NKAIN2: variants seen among roughly 807,000 people sequenced by gnomAD.
NKAIN2 encodes sodium/potassium transporting ATPase interacting 2.
In NKAIN2, 14 loss-of-function variants were observed where a neutral mutation model predicts 32.6. The ratio of observed to expected loss-of-function variants is 0.43; its 90% CI spans 0.28 to 0.67. The LOEUF is 0.67. Ranked by LOEUF, NKAIN2 falls within the 30% of genes least tolerant of loss-of-function variation. The pLI is 0.17. For synonymous variants in NKAIN2, 80 were observed against 87.2 expected, an observed-to-expected ratio of 0.92 and a Z score of 0.46; for missense variants, 198 against 258.3, an observed-to-expected ratio of 0.77 and a Z score of 1.60.
Position 124,250,072 on chromosome 6 carries a change from C to T in NKAIN2, c.55-32933C>T, listed in dbSNP as rs73563741. Reference sequence around the variant, plus strand: ...GATTAGGTCATGAGGACAGAGCCCTCCTGAATGGAATTAGTGCCCTTTTAA... The same window carrying T: ...GATTAGGTCATGAGGACAGAGCCCTTCTGAATGGAATTAGTGCCCTTTTAA... On this transcript the variant is annotated intron_variant, in intron 1 of 6. Coordinates refer to ENST00000368417, the MANE Select transcript of NKAIN2 (RefSeq NM_001040214.3). 4.1e-3 allele frequency among the ~76,000 whole-genome samples: 628 copies of T among 152,156 alleles called. 6 individuals carry two copies. Among genetic ancestry groups the T allele is most frequent in the African/African-American group, 0.014 (583 of 41,532 alleles).
At chr6:124,776,423 C>A (rs1778986973) in intron 4 of NKAIN2, among the ~76,000 whole-genome samples, 1 of 152,086 alleles carries the variant, frequency 6.6e-6, no homozygotes, top group Non-Finnish European at 1.5e-5. Context: ...ATTTGCACTC[C>A]AGTCACTCAA....
chr6:124,211,369 G>T (rs770011302), intron 1 of NKAIN2, among the ~76,000 whole-genome samples: 5 of 151,812 alleles, frequency 3.3e-5, no homozygotes, highest in Non-Finnish European at 5.9e-5. Flanking sequence ...TATCATTCAG[G>T]TCATTAAACT....
At chr6:124,261,259 T>C (rs1394451013) in intron 1 of NKAIN2, among the ~76,000 whole-genome samples, 3 of 152,204 alleles carry the variant, frequency 2.0e-5, no homozygotes, top group African/African-American at 7.2e-5. Context: ...TTCATTTTTC[T>C]TTTTTACTCT....
At chr6:124,790,622 G>A (rs547334926) in intron 4 of NKAIN2, among the ~76,000 whole-genome samples, 1 of 151,942 alleles carries the variant, frequency 6.6e-6, no homozygotes, top group Non-Finnish European at 1.5e-5. Context: ...AGTAAATATT[G>A]TACTAATAGG....
At chr6:124,283,307 T>C in intron 2 of NKAIN2, 165 bp downstream of exon 2, 2 of 542,118 alleles carry the variant, frequency 3.7e-6, no homozygotes, top group Non-Finnish European at 3.3e-6. Context: ...TCAACAGTAA[T>C]TGAAAATGTC....
In NKAIN2 at chr6:124,213,097, G is replaced by A. The variant is rs569848527; in HGVS notation, c.55-69908G>A. On this transcript the variant is annotated intron_variant, in intron 1 of 6. Transcript: ENST00000368417. Reference sequence around the variant, plus strand: ...GTATCTTTTCAAATCCAGATTTTACGTGCGAATATCCTATAGGAGATGTTT... The same window carrying A: ...GTATCTTTTCAAATCCAGATTTTACATGCGAATATCCTATAGGAGATGTTT... Among the ~76,000 whole-genome samples, 6 of 152,078 alleles carry A rather than the reference G, an allele frequency of 3.9e-5. No homozygotes were observed. In the South Asian group the frequency reaches 6.2e-4, roughly 16 times the overall value.
chr6:124,524,430 A>G (rs1185799046), intron 3 of NKAIN2, among the ~76,000 whole-genome samples: 1 of 152,208 alleles, frequency 6.6e-6, no homozygotes, highest in Non-Finnish European at 1.5e-5. Context: ...TTTGCTTAGC[A>G]TATCAAACTT....
At chr6:124,589,510 C>T (rs1382200749) in intron 3 of NKAIN2, among the ~76,000 whole-genome samples, 1 of 152,076 alleles carries the variant, frequency 6.6e-6, no homozygotes, top group Non-Finnish European at 1.5e-5. Context: ...TATTAGGGAA[C>T]ACCACTGCTA....
intron 1 of NKAIN2, among the ~76,000 whole-genome samples, chr6:124,078,842 A>C (rs1783822657): frequency 6.7e-6 from 1 of 150,218 alleles, no homozygotes; most frequent in Non-Finnish European, 1.5e-5. Flanking sequence ...ATTATATAGC[A>C]AGTAAAATGG....
chr6:124,494,968 T>C (rs1778008766), intron 3 of NKAIN2, among the ~76,000 whole-genome samples: 1 of 152,126 alleles, frequency 6.6e-6, no homozygotes, highest in African/African-American at 2.4e-5. Context: ...TTTTAAATTT[T>C]CTCTATAATT....
At chr6:124,738,155 G>A (rs1237176235) in intron 4 of NKAIN2, among the ~76,000 whole-genome samples, 8 of 151,740 alleles carry the variant, frequency 5.3e-5, no homozygotes, top group African/African-American at 2.4e-5. Context: ...TATCAACTTA[G>A]AATATTTAAA....
At position 124,620,133 on chromosome 6, in the gene NKAIN2, C is replaced by T. The variant is rs117133720; in HGVS notation, c.274-38053C>T. Among the ~76,000 whole-genome samples, 942 of 152,266 alleles carry T rather than the reference C, an allele frequency of 6.2e-3. 2 individuals carry two copies. Among genetic ancestry groups the T allele is most frequent in the Non-Finnish European group, 9.7e-3 (659 of 68,004 alleles). On this transcript the variant is annotated intron_variant, in intron 3 of 6. Transcript: ENST00000368417. Reference sequence around the variant, plus strand: ...AGAAACAGATGCACAGTTCCATAGACCCAGATGATTTCTGTAGCTTTCTGA... The same window carrying T: ...AGAAACAGATGCACAGTTCCATAGATCCAGATGATTTCTGTAGCTTTCTGA...
chr6:124,755,230 A>G lies in NKAIN2; in HGVS notation c.475-36109A>G, dbSNP rs186851999. On this transcript the variant is annotated intron_variant, in intron 4 of 6. Transcript: ENST00000368417. ...TCTGATGTCCAAAGGCAGGAGGAACAGAAGGAGACATCCAATATGGGAGAA... is the reference window on the plus strand; with the variant it reads ...TCTGATGTCCAAAGGCAGGAGGAACGGAAGGAGACATCCAATATGGGAGAA... 2.2e-3 allele frequency among the ~76,000 whole-genome samples: 331 copies of G among 152,284 alleles called. 3 individuals carry two copies. Among genetic ancestry groups the G allele is most frequent in the African/African-American group, 7.4e-3 (309 of 41,556 alleles).
At chr6:124,291,509 A>G (rs772556360) in intron 2 of NKAIN2, among the ~76,000 whole-genome samples, 1 of 151,994 alleles carries the variant, frequency 6.6e-6, no homozygotes, top group East Asian at 1.9e-4. Flanking sequence ...AAGCACCAGG[A>G]GTCCCTTTCT....
chr6:124,707,422 T>C (rs1775149650), intron 4 of NKAIN2, among the ~76,000 whole-genome samples: 2 of 150,868 alleles, frequency 1.3e-5, no homozygotes, highest in African/African-American at 4.9e-5. Context: ...CCACACTGAC[T>C]TCCACAATGG....
At chr6:124,479,232 T>G (rs1777351386) in intron 3 of NKAIN2, among the ~76,000 whole-genome samples, 1 of 152,144 alleles carries the variant, frequency 6.6e-6, no homozygotes, top group South Asian at 2.1e-4. Context: ...AGGTAAAAAC[T>G]AAGGAAATCT....
At chr6:124,238,298 T>C (rs556650502) in intron 1 of NKAIN2, among the ~76,000 whole-genome samples, 17 of 152,198 alleles carry the variant, frequency 1.1e-4, no homozygotes, top group African/African-American at 3.8e-4. Context: ...ACATTAAAAA[T>C]ATATAATCTT....
intron 1 of NKAIN2, among the ~76,000 whole-genome samples, chr6:124,255,511 T>A (rs1425348480): frequency 6.6e-6 from 1 of 152,214 alleles, no homozygotes; most frequent in African/African-American, 2.4e-5. Flanking sequence ...AGCTGCTGGA[T>A]AACCATGTGA....
intron 3 of NKAIN2, among the ~76,000 whole-genome samples, chr6:124,517,851 A>G (rs1258998770): frequency 6.6e-6 from 1 of 152,152 alleles, no homozygotes; most frequent in Non-Finnish European, 1.5e-5. Flanking sequence ...GCTAATTCCA[A>G]TATTTACTAT....
Sources: allele counts gnomAD v4.1 joint callset (sites outside exome capture counted in the v4.1 genomes callset), GRCh38; gene constraint gnomAD v4.1.1; transcripts MANE v1.5; gene names NCBI Gene and HGNC (gene_info 2026-07-23, HGNC 2026-07-21).